NGLY1: variants seen among roughly 807,000 people sequenced by gnomAD.
The protein encoded by NGLY1 is N-glycanase 1, also known as peptide-N(4)-(N-acetyl-beta-glucosaminyl)asparagine amidase.
In NGLY1, 68 loss-of-function variants were observed where a neutral mutation model predicts 84.6. The observed-to-expected ratio is 0.80, with a 90% confidence interval of 0.66 to 0.98. The LOEUF (loss-of-function observed/expected upper bound fraction) is 0.98. NGLY1 is among the 50% of genes least tolerant of loss of function. The pLI is 0.00. For missense variants in NGLY1, 779 were observed against 770.2 expected, an observed-to-expected ratio of 1.01 and a Z score of -0.14; for synonymous variants, 280 against 275.2, an observed-to-expected ratio of 1.02 and a Z score of -0.17.
intron 10 of NGLY1, among the ~76,000 whole-genome samples, chr3:25,722,904 G>A (rs1020065213): frequency 6.6e-6 from 1 of 152,140 alleles, no homozygotes; most frequent in Non-Finnish European, 1.5e-5. Flanking sequence ...GGATATCTGG[G>A]AAAGAAGAGC....
chr3:25,732,529 T>C, intron 8 of NGLY1, 46 bp from the exon 9 acceptor site: 1 of 1,470,352 alleles, frequency 6.8e-7, no homozygotes, highest in Admixed American at 1.8e-5. Flanking sequence ...TAGGGGAATG[T>C]ATAGGTCCAT....
intron 4 of NGLY1, among the ~76,000 whole-genome samples, chr3:25,743,390 T>C (rs77365621): frequency 0.013 from 2,029 of 152,280 alleles, 40 homozygotes; most frequent in African/African-American, 0.046. Flanking sequence ...CTCCCTGCCA[T>C]CTCTTAAACT....
At chr3:25,732,094 G>C (rs948605642) in intron 9 of NGLY1, among the ~76,000 whole-genome samples, 8 of 151,750 alleles carry the variant, frequency 5.3e-5, no homozygotes, top group Admixed American at 4.6e-4. Context: ...ATTTACATAA[G>C]GTAAAAAAAA....
intron 8 of NGLY1, among the ~76,000 whole-genome samples, chr3:25,733,359 A>G (rs1453534864): frequency 6.6e-6 from 1 of 152,160 alleles, no homozygotes; most frequent in Non-Finnish European, 1.5e-5. Flanking sequence ...TCAAAGGGGT[A>G]TAAAACAAAA....
intron 4 of NGLY1, among the ~76,000 whole-genome samples, chr3:25,744,249 A>G (rs1706305771): frequency 6.6e-6 from 1 of 152,204 alleles, no homozygotes; most frequent in Non-Finnish European, 1.5e-5. Context: ...AGGCCAAGAT[A>G]TATTTTGTTA....
chr3:25,789,804 TATTTGGGCATTATCAC>T (rs1708682786), intron 1 of NGLY1: 9 of 1,534,098 alleles, frequency 5.9e-6, no homozygotes, highest in Non-Finnish European at 7.1e-6. Flanking sequence ...CAAAAGGGAA[TATTTGGGCATTATCAC>T]TGCCAAAGAA....
At chr3:25,763,477 G>A (rs1295613325) in intron 3 of NGLY1, among the ~76,000 whole-genome samples, 1 of 152,176 alleles carries the variant, frequency 6.6e-6, no homozygotes, top group Non-Finnish European at 1.5e-5. Flanking sequence ...AAAATGGAAT[G>A]CACATGATCT....
intron 1 of NGLY1, among the ~76,000 whole-genome samples, chr3:25,789,555 T>C (rs774554799): frequency 5.3e-5 from 8 of 152,316 alleles, no homozygotes; most frequent in Non-Finnish European, 7.4e-5. Context: ...TCCTAACAAA[T>C]AGTCGCAACA....
At position 25,732,703 on chromosome 3, in the gene NGLY1, C is replaced by T. The variant is rs112241790; in HGVS notation, c.1261-220G>A. On this transcript the variant is annotated intron_variant, in intron 8 of 11. Transcript: ENST00000280700. ...TTGGGAAATCATTTAACACCTATTT[C>T]CAACTCTCCATGAGCTCTACTGTCC... 2.6e-5 allele frequency among the ~76,000 whole-genome samples: 4 copies of T among 152,244 alleles called. 1 individual carries two copies. The highest frequency in any genetic ancestry group is 7.2e-5 in the African/African-American group (3 of 41,552).
rs780295430 is a variant in NGLY1, at chr3:25,737,373, C to T, written c.964G>A (p.Ala322Thr). 2 of 1,613,798 alleles carry T rather than the reference C, an allele frequency of 1.2e-6. No homozygotes were observed. The highest frequency in any genetic ancestry group is 8.5e-7 in the Non-Finnish European group (1 of 1,179,912). The change falls in exon 6 of 12, where the codon GCT becomes ACT. Residue 322 changes from alanine (A) to threonine (T), a missense_variant. Transcript: ENST00000280700. ...ACATAGCGAGCTTCAAACCCTACAG[C>T]TCGGCAGCACAGTGTAAAACAATTG... The part of the protein sequence containing the change: ...WANCFTLCCR[A>T]VGFEARYVWD...
chr3:25,737,527 C>A, intron 5 of NGLY1, 72 bp from the exon 6 acceptor site: 1 of 1,317,076 alleles, frequency 7.6e-7, no homozygotes, highest in Non-Finnish European at 1.0e-6. Context: ...TACCTCTATG[C>A]TAAACAGAAA....
intron 3 of NGLY1, among the ~76,000 whole-genome samples, chr3:25,758,149 C>G (rs1243250732): frequency 6.6e-6 from 1 of 152,170 alleles, no homozygotes; most frequent in African/African-American, 2.4e-5. Context: ...ATAAGCACTT[C>G]AACAGCTACA....
intron 3 of NGLY1, among the ~76,000 whole-genome samples, chr3:25,762,106 C>T (rs1707346753): frequency 6.6e-6 from 1 of 151,840 alleles, no homozygotes; most frequent in African/African-American, 2.4e-5. Context: ...ACATCAGTGA[C>T]TATCATCTTA....
At chr3:25,760,976 G>C (rs373887779) in intron 3 of NGLY1, among the ~76,000 whole-genome samples, 3 of 146,026 alleles carry the variant, frequency 2.1e-5, no homozygotes, top group African/African-American at 7.7e-5. Context: ...TGGTTTATGA[G>C]ATAAAATTAG....
chr3:25,728,650 C>G (rs1214778194), intron 10 of NGLY1, among the ~76,000 whole-genome samples: 2 of 152,046 alleles, frequency 1.3e-5, no homozygotes, highest in African/African-American at 2.4e-5. Context: ...AATATTGCTG[C>G]TCAATCATCC....
chr3:25,767,381 G>T (rs1032739511), intron 2 of NGLY1, among the ~76,000 whole-genome samples: 1 of 151,926 alleles, frequency 6.6e-6, no homozygotes, highest in African/African-American at 2.4e-5. Flanking sequence ...CTTATTACAG[G>T]ATATTTAGCA....
intron 2 of NGLY1, among the ~76,000 whole-genome samples, chr3:25,774,419 G>T (rs1202834388): frequency 6.6e-6 from 1 of 152,196 alleles, no homozygotes. Context: ...GTGAAGGCAG[G>T]GTTAGGCATG....
intron 8 of NGLY1, among the ~76,000 whole-genome samples, 191 bp downstream of exon 8, chr3:25,733,681 A>T (rs536065689): frequency 4.6e-5 from 7 of 152,296 alleles, no homozygotes; most frequent in Middle Eastern, 6.8e-3. Context: ...ATAATATTTA[A>T]AATGAGTCCG....
At chr3:25,740,531 G>T (rs989095540) in intron 4 of NGLY1, among the ~76,000 whole-genome samples, 1 of 152,062 alleles carries the variant, frequency 6.6e-6, no homozygotes, top group African/African-American at 2.4e-5. Flanking sequence ...AATGTTTTAT[G>T]ATTAAAACAG....
Sources: allele counts gnomAD v4.1 joint callset (sites outside exome capture counted in the v4.1 genomes callset), GRCh38; gene constraint gnomAD v4.1.1; transcripts MANE v1.5; gene names NCBI Gene and HGNC (gene_info 2026-07-23, HGNC 2026-07-21).